Variants in SCFD2 observed in about 807,000 individuals in gnomAD.
The protein encoded by SCFD2 is sec1 family domain containing 2.
A neutral mutation model predicts 58.9 loss-of-function variants in SCFD2; 54 were observed. The ratio of observed to expected loss-of-function variants is 0.92; its 90% CI spans 0.74 to 1.15. The LOEUF (loss-of-function observed/expected upper bound fraction) is 1.15, where lower values mean the gene tolerates loss of function less well. Ranked by LOEUF, SCFD2 falls within the 50% of genes most tolerant of loss-of-function variation. The pLI is 0.00. For missense variants in SCFD2, 805 were observed against 836.6 expected (o/e 0.96, Z 0.47); for synonymous variants, 321 against 335.9 (o/e 0.96, Z 0.49).
intron 5 of SCFD2, among the ~76,000 whole-genome samples, chr4:52,969,665 T>G (rs1319707728): frequency 6.6e-6 from 1 of 152,168 alleles, no homozygotes. Context: ...TGTGGAAGTG[T>G]GTGTCCTGAT....
intron 4 of SCFD2, among the ~76,000 whole-genome samples, chr4:53,237,487 C>T (rs112260084): frequency 7.9e-4 from 8 of 10,158 alleles, no homozygotes; most frequent in Non-Finnish European, 1.5e-3. Flanking sequence ...CCCCCACCTC[C>T]CTCCCGGACG....
chr4:52,984,109 G>A (rs138722748), intron 5 of SCFD2, among the ~76,000 whole-genome samples: 2 of 152,168 alleles, frequency 1.3e-5, no homozygotes, highest in African/African-American at 2.4e-5. Context: ...TGTTCAAAAA[G>A]CATCTCAAGC....
At chr4:53,031,056 T>C (rs1049700500) in intron 5 of SCFD2, among the ~76,000 whole-genome samples, 2 of 152,174 alleles carry the variant, frequency 1.3e-5, no homozygotes, top group African/African-American at 4.8e-5. Context: ...ATCTGGTAGG[T>C]GCCCCTGTGG....
At chr4:53,330,274 A>C (rs959247746) in intron 2 of SCFD2, among the ~76,000 whole-genome samples, 1 of 151,916 alleles carries the variant, frequency 6.6e-6, no homozygotes, top group African/African-American at 2.4e-5. Flanking sequence ...AAGAAGAGCA[A>C]CTCCAAGACA....
At chr4:53,238,747 C>T (rs1729779105) in intron 4 of SCFD2, among the ~76,000 whole-genome samples, 2 of 150,610 alleles carry the variant, frequency 1.3e-5, no homozygotes, top group African/African-American at 4.9e-5. Flanking sequence ...AGGCGCTCCC[C>T]ACATCTCAGA....
intron 8 of SCFD2, among the ~76,000 whole-genome samples, chr4:52,885,257 T>C (rs919076018): frequency 6.6e-6 from 1 of 152,082 alleles, no homozygotes; most frequent in Admixed American, 6.5e-5. Context: ...ATCTGGAGCC[T>C]AGAAAGCAGT....
chr4:53,001,685 A>T (rs537191600), intron 5 of SCFD2, among the ~76,000 whole-genome samples: 1 of 152,380 alleles, frequency 6.6e-6, no homozygotes, highest in African/African-American at 2.4e-5. Context: ...TTGAACACTC[A>T]AAATTGACGT....
chr4:53,337,735 G>A (rs1335076636), intron 2 of SCFD2, among the ~76,000 whole-genome samples: 1 of 152,224 alleles, frequency 6.6e-6, no homozygotes, highest in East Asian at 1.9e-4. Flanking sequence ...CTACTATGTA[G>A]CATTACAGAT....
chr4:53,163,413 G>A lies in SCFD2; in HGVS notation c.1312-17831C>T, dbSNP rs541285158. Among the ~76,000 whole-genome samples, 24 of 152,156 alleles carry A rather than the reference G, an allele frequency of 1.6e-4. No homozygotes were observed. The South Asian group carries it at 2.1e-3, about 13-fold the overall frequency. On this transcript the variant is annotated intron_variant, in intron 4 of 8. Coordinates refer to ENST00000401642, the MANE Select transcript of SCFD2 (RefSeq NM_152540.4). Reference sequence around the variant, plus strand: ...CCGCTCCTCTAAGAAATGAATGACTGGATGGCTGCATTTAAAAAGAGGAGA... The same window carrying A: ...CCGCTCCTCTAAGAAATGAATGACTAGATGGCTGCATTTAAAAAGAGGAGA...
intron 4 of SCFD2, among the ~76,000 whole-genome samples, chr4:53,205,766 G>T (rs575227208): frequency 1.3e-5 from 2 of 152,042 alleles, no homozygotes; most frequent in African/African-American, 4.8e-5. Flanking sequence ...GGAGGCTGAG[G>T]CAGGAGAATG....
Position 52,978,795 on chromosome 4 carries a change from T to C in SCFD2, c.1562-57925A>G, listed in dbSNP as rs191105958. Reference sequence around the variant, plus strand: ...TATAGAATCAAGGCATTCACAACTCTGGCCCCCTAAGAGTGAAGCAATACT... The same window carrying C: ...TATAGAATCAAGGCATTCACAACTCCGGCCCCCTAAGAGTGAAGCAATACT... On this transcript the variant is annotated intron_variant, in intron 5 of 8. Transcript: ENST00000401642. Among the ~76,000 whole-genome samples the C allele has an allele frequency of 4.7e-4, 71 of 152,296 alleles. 1 individual carries two copies. In the East Asian group the frequency reaches 8.7e-3, roughly 19 times the overall value.
At chr4:53,096,129 T>C (rs11732744) in intron 5 of SCFD2, among the ~76,000 whole-genome samples, 51,377 of 152,106 alleles carry the variant, frequency 0.34, 10,195 homozygotes, top group Non-Finnish European at 0.42. Context: ...TAGATGGACA[T>C]TTGGGTTGGT....
intron 4 of SCFD2, among the ~76,000 whole-genome samples, chr4:53,251,416 C>G (rs892507823): frequency 6.6e-6 from 1 of 152,152 alleles, no homozygotes; most frequent in Non-Finnish European, 1.5e-5. Flanking sequence ...CAAAGCCTGG[C>G]AGAGACACAA....
At chr4:53,235,943 A>AT (rs1241584300) in intron 4 of SCFD2, among the ~76,000 whole-genome samples, 2 of 152,234 alleles carry the variant, frequency 1.3e-5, no homozygotes, top group South Asian at 4.1e-4. Context: ...ACTGAGGAGG[A>AT]TAAAAAAGCA....
intron 5 of SCFD2, chr4:52,949,017 C>T (rs1204955309): frequency 6.5e-6 from 1 of 153,904 alleles, no homozygotes; most frequent in Non-Finnish European, 1.4e-5. Flanking sequence ...ACAGGCAGCC[C>T]CAAGACTGGA....
intron 5 of SCFD2, among the ~76,000 whole-genome samples, chr4:53,078,121 A>G (rs1577709156): frequency 6.6e-6 from 1 of 152,202 alleles, no homozygotes; most frequent in Non-Finnish European, 1.5e-5. Flanking sequence ...TTTTAGCACC[A>G]TCATTTGCCT....
chr4:52,989,413 T>C (rs1299811331), intron 5 of SCFD2, among the ~76,000 whole-genome samples: 1 of 152,224 alleles, frequency 6.6e-6, no homozygotes, highest in Non-Finnish European at 1.5e-5. Flanking sequence ...CTATTCATAC[T>C]ATAATTTCCT....
At chr4:53,162,331 G>A (rs1726876999) in intron 4 of SCFD2, among the ~76,000 whole-genome samples, 1 of 152,110 alleles carries the variant, frequency 6.6e-6, no homozygotes, top group Non-Finnish European at 1.5e-5. Context: ...ATGTGATACT[G>A]CTGCACTCCC....
At chr4:52,923,788 C>T (rs916607371) in intron 5 of SCFD2, among the ~76,000 whole-genome samples, 1 of 152,204 alleles carries the variant, frequency 6.6e-6, no homozygotes, top group African/African-American at 2.4e-5. Flanking sequence ...ATTGGTATCA[C>T]AGCGTGTTTG....
Sources: allele counts gnomAD v4.1 joint callset (sites outside exome capture counted in the v4.1 genomes callset), GRCh38; gene constraint gnomAD v4.1.1; transcripts MANE v1.5; gene names NCBI Gene and HGNC (gene_info 2026-07-23, HGNC 2026-07-21).